Variants in CSMD1 observed in about 807,000 individuals in gnomAD.
CSMD1 encodes the protein CUB and sushi domain-containing protein 1.
CSMD1 carries 213 observed loss-of-function variants against 417.5 expected under a neutral mutation model. The observed-to-expected ratio is 0.51, with a 90% CI of 0.46 to 0.57. The LOEUF (loss-of-function observed/expected upper bound fraction) is 0.57. Among genes scored for constraint, CSMD1 ranks in the 20% least tolerant of loss-of-function variants. CSMD1 has a pLI of 0.00. For synonymous variants in CSMD1, 2,862 were observed against 1,736.8 expected (o/e 1.65, Z -16.11); for missense variants, 6,923 against 4,529.7 (o/e 1.53, Z -15.17).
intron 2 of CSMD1, among the ~76,000 whole-genome samples, chr8:4,476,351 T>C (rs573016911): frequency 4.6e-5 from 7 of 152,326 alleles, no homozygotes; most frequent in African/African-American, 1.7e-4. Context: ...AAGAATATGG[T>C]ATTAGTATTC....
At chr8:4,026,875 T>C (rs750085641) in intron 4 of CSMD1, among the ~76,000 whole-genome samples, 4 of 152,208 alleles carry the variant, frequency 2.6e-5, no homozygotes, top group Non-Finnish European at 4.4e-5. Flanking sequence ...GTTTGGAATT[T>C]GGCAAGGTGT....
At chr8:3,484,198 T>C (rs147033588) in intron 11 of CSMD1, among the ~76,000 whole-genome samples, 4 of 152,202 alleles carry the variant, frequency 2.6e-5, no homozygotes, top group Non-Finnish European at 4.4e-5. Flanking sequence ...TAAACAGTTA[T>C]AGTAATTAGT....
chr8:4,487,374 T>A (rs1394341291), intron 2 of CSMD1, among the ~76,000 whole-genome samples: 1 of 152,162 alleles, frequency 6.6e-6, no homozygotes, highest in Non-Finnish European at 1.5e-5. Flanking sequence ...GTCCATGCGT[T>A]CTCATTGTTC....
At chr8:4,639,615 C>G (rs1413476590) in intron 1 of CSMD1, among the ~76,000 whole-genome samples, 3 of 152,080 alleles carry the variant, frequency 2.0e-5, no homozygotes, top group Admixed American at 6.6e-5. Flanking sequence ...TTGAAGGGAC[C>G]TGGGTGTACT....
intron 42 of CSMD1, among the ~76,000 whole-genome samples, chr8:3,110,677 G>C (rs764105969): frequency 6.6e-6 from 1 of 152,162 alleles, no homozygotes; most frequent in African/African-American, 2.4e-5. Context: ...AATGAATTAT[G>C]GGGAAAGTAT....
chr8:3,886,087 G>A (rs578003518), intron 5 of CSMD1, among the ~76,000 whole-genome samples: 2 of 151,908 alleles, frequency 1.3e-5, no homozygotes, highest in South Asian at 2.1e-4. Flanking sequence ...CTCTTGCTCT[G>A]TCGCCTATGC....
intron 5 of CSMD1, among the ~76,000 whole-genome samples, chr8:3,933,857 A>AT (rs1334646409): frequency 1.3e-5 from 2 of 152,058 alleles, no homozygotes; most frequent in African/African-American, 2.4e-5. Context: ...GCTCTGAACT[A>AT]TTTTTTTCAC....
At chr8:3,139,926 G>A (rs1364775335) in intron 41 of CSMD1, among the ~76,000 whole-genome samples, 4 of 138,926 alleles carry the variant, frequency 2.9e-5, no homozygotes, top group Non-Finnish European at 6.1e-5. Flanking sequence ...TTTTTTAGAT[G>A]GAGTCTCCCT....
At chr8:4,849,893 A>G (rs1193266965) in intron 1 of CSMD1, among the ~76,000 whole-genome samples, 1 of 152,178 alleles carries the variant, frequency 6.6e-6, no homozygotes, top group African/African-American at 2.4e-5. Context: ...GGTATATTAG[A>G]AATGGCATTT....
intron 28 of CSMD1, among the ~76,000 whole-genome samples, chr8:3,221,180 C>G (rs139275467): frequency 6.6e-6 from 1 of 152,160 alleles, no homozygotes; most frequent in African/African-American, 2.4e-5. Context: ...CCGCCAGCAT[C>G]GGTGCAACGC....
At chr8:4,908,114 G>C (rs1436786037) in intron 1 of CSMD1, among the ~76,000 whole-genome samples, 1 of 152,114 alleles carries the variant, frequency 6.6e-6, no homozygotes, top group African/African-American at 2.4e-5. Context: ...CACTTTTGCA[G>C]TATAATTTTG....
At chr8:3,367,769 T>C (rs920499297) in intron 19 of CSMD1, among the ~76,000 whole-genome samples, 2 of 152,166 alleles carry the variant, frequency 1.3e-5, no homozygotes, top group Non-Finnish European at 2.9e-5. Flanking sequence ...TATATATAGA[T>C]ACAGATATAG....
chr8:4,684,204 C>G (rs1456112083), intron 1 of CSMD1, among the ~76,000 whole-genome samples: 3 of 152,168 alleles, frequency 2.0e-5, no homozygotes, highest in Admixed American at 2.0e-4. Context: ...AATAAGGACA[C>G]GAGAAGTTCA....
At chr8:4,527,380 T>C (rs1215886515) in intron 2 of CSMD1, among the ~76,000 whole-genome samples, 2 of 152,236 alleles carry the variant, frequency 1.3e-5, no homozygotes, top group Non-Finnish European at 2.9e-5. Flanking sequence ...AATTTGTTTT[T>C]ATACGGTCAT....
chr8:4,845,687 G>A (rs1480465507), intron 1 of CSMD1, among the ~76,000 whole-genome samples: 3 of 152,162 alleles, frequency 2.0e-5, no homozygotes, highest in Admixed American at 2.0e-4. Flanking sequence ...ATTTTGACAA[G>A]GTCTAGGAGA....
intron 51 of CSMD1, among the ~76,000 whole-genome samples, chr8:3,028,497 C>T (rs1049716516): frequency 4.6e-5 from 7 of 152,156 alleles, no homozygotes; most frequent in African/African-American, 1.4e-4. Flanking sequence ...AAACGGGGAC[C>T]ATGTTCATTA....
At chr8:4,540,091 G>T (rs1797304550) in intron 2 of CSMD1, among the ~76,000 whole-genome samples, 1 of 152,064 alleles carries the variant, frequency 6.6e-6, no homozygotes, top group Admixed American at 6.6e-5. Flanking sequence ...TACGATTATC[G>T]TGACACCATA....
At chr8:3,192,245 T>C (rs1290770889) in intron 33 of CSMD1, among the ~76,000 whole-genome samples, 1 of 152,190 alleles carries the variant, frequency 6.6e-6, no homozygotes, top group Non-Finnish European at 1.5e-5. Context: ...AAAAATGAAA[T>C]ACAGAATAAC....
At chr8:4,270,755 C>T (rs550341932) in intron 3 of CSMD1, among the ~76,000 whole-genome samples, 1 of 152,306 alleles carries the variant, frequency 6.6e-6, no homozygotes, top group Non-Finnish European at 1.5e-5. Flanking sequence ...CAGTGCTACT[C>T]ATCACCTGCA....
Sources: allele counts gnomAD v4.1 joint callset (sites outside exome capture counted in the v4.1 genomes callset), GRCh38; gene constraint gnomAD v4.1.1; transcripts MANE v1.5; gene names NCBI Gene and HGNC (gene_info 2026-07-23, HGNC 2026-07-21).